NLRP14: variants seen among roughly 807,000 people sequenced by gnomAD.
The protein encoded by NLRP14 is NLR family pyrin domain containing 14.
Under a neutral mutation model 94.7 loss-of-function variants are expected in NLRP14, and 105 were observed. The observed-to-expected ratio is 1.11, with a 90% CI of 0.95 to 1.30. The LOEUF is 1.30. Among genes scored for constraint, NLRP14 ranks in the 50% most tolerant of loss-of-function variants. NLRP14 has a pLI of 0.00. For synonymous variants in NLRP14, 508 were observed against 459.9 expected, an observed-to-expected ratio of 1.10 and a Z score of -1.34; for missense variants, 1,362 against 1,254.1, an observed-to-expected ratio of 1.09 and a Z score of -1.30.
At chr11:7,073,767 G>C (rs746822439), downstream of NLRP14, among the ~76,000 whole-genome samples, 2 of 152,196 alleles carry the variant, frequency 1.3e-5, no homozygotes, top group Non-Finnish European at 2.9e-5. Flanking sequence ...GAGACACATA[G>C]GGTGAGGTTC....
chr11:7,046,866 T>C (rs1852360724), intron 5 of NLRP14, 34 bp downstream of exon 5: 2 of 1,528,806 alleles, frequency 1.3e-6, no homozygotes, highest in Non-Finnish European at 1.8e-6. Context: ...AATGGAGTTA[T>C]TCTAATTTCT....
At chr11:7,034,584 C>T (rs1452545439) in intron 1 of NLRP14, among the ~76,000 whole-genome samples, 1 of 152,198 alleles carries the variant, frequency 6.6e-6, no homozygotes. Flanking sequence ...TCCCTGTAAA[C>T]ATTTTTCTGT....
At chr11:7,036,473 A>T (rs936655872) in intron 1 of NLRP14, among the ~76,000 whole-genome samples, 1 of 152,186 alleles carries the variant, frequency 6.6e-6, no homozygotes, top group Non-Finnish European at 1.5e-5. Context: ...AAAATGAAAA[A>T]AGTGTGGGAT....
intron 1 of NLRP14, among the ~76,000 whole-genome samples, chr11:7,024,155 C>G (rs1160025105): frequency 6.6e-6 from 1 of 152,080 alleles, no homozygotes; most frequent in African/African-American, 2.4e-5. Context: ...ATGAAAAATA[C>G]TAATCCACAG....
At chr11:7,040,242 C>T (rs1014190530) in intron 3 of NLRP14, among the ~76,000 whole-genome samples, 9 of 152,126 alleles carry the variant, frequency 5.9e-5, no homozygotes, top group Admixed American at 1.3e-4. Flanking sequence ...GCCACAGACC[C>T]CTACTGGTCG....
chr11:7,050,662 T>G (rs529381164), intron 6 of NLRP14, among the ~76,000 whole-genome samples: 1 of 152,168 alleles, frequency 6.6e-6, no homozygotes, highest in East Asian at 1.9e-4. Flanking sequence ...GTAGGAAAAA[T>G]AAATGAAGTC....
intron 3 of NLRP14, 31 bp from the exon 4 acceptor site, chr11:7,042,357 T>C (rs759660010): frequency 6.3e-6 from 10 of 1,596,870 alleles, no homozygotes; most frequent in South Asian, 2.2e-5. Flanking sequence ...GTCTTTGTTT[T>C]TGTTTTTTTA....
intron 1 of NLRP14, among the ~76,000 whole-genome samples, chr11:7,033,921 C>G (rs1047168016): frequency 6.6e-6 from 1 of 152,184 alleles, no homozygotes; most frequent in African/African-American, 2.4e-5. Context: ...TGGCAACATG[C>G]CATTCACAGT....
downstream of NLRP14, among the ~76,000 whole-genome samples, chr11:7,075,286 T>C (rs1169554367): frequency 6.6e-6 from 1 of 152,194 alleles, no homozygotes; most frequent in East Asian, 1.9e-4. Context: ...CTTATGACTA[T>C]GCAAAGACCT....
the NLRP14 span, chr11:7,090,059 C>A: frequency 1.2e-6 from 2 of 1,612,804 alleles, no homozygotes; most frequent in Admixed American, 1.7e-5. Flanking sequence ...AGTACCGGGG[C>A]TACTCACCCG....
intron 2 of NLRP14, 122 bp downstream of exon 2, chr11:7,038,997 G>A: frequency 2.3e-6 from 2 of 885,616 alleles, no homozygotes; most frequent in Non-Finnish European, 3.2e-6. Flanking sequence ...TAAGCTCCAT[G>A]GTGGTCTTGT....
downstream of NLRP14, among the ~76,000 whole-genome samples, chr11:7,075,910 T>G (rs928750671): frequency 6.6e-6 from 1 of 152,186 alleles, no homozygotes; most frequent in African/African-American, 2.4e-5. Context: ...CCCACAGTTA[T>G]GTTCGAAGGC....
At chr11:7,055,117 T>A (rs956947780) in intron 6 of NLRP14, among the ~76,000 whole-genome samples, 1 of 152,152 alleles carries the variant, frequency 6.6e-6, no homozygotes, top group Non-Finnish European at 1.5e-5. Context: ...CCACTGTAGA[T>A]GTGTAGGTTT....
At chr11:7,071,112 GA>G in intron 11 of NLRP14, 60 bp from the exon 12 acceptor site, 1 of 1,589,472 alleles carries the variant, frequency 6.3e-7, no homozygotes, top group South Asian at 1.1e-5. Context: ...CCTTTACAGA[GA>G]AAGTGGAGGG....
intron 5 of NLRP14, among the ~76,000 whole-genome samples, chr11:7,049,451 A>G (rs1275974152): frequency 1.3e-5 from 2 of 152,170 alleles, no homozygotes; most frequent in Non-Finnish European, 2.9e-5. Context: ...TCTGCTTTTC[A>G]TGATGTTATC....
At chr11:7,084,749 T>C in the NLRP14 span, among the ~76,000 whole-genome samples, 1 of 152,212 alleles carries the variant, frequency 6.6e-6, no homozygotes, top group African/African-American at 2.4e-5. Context: ...TTTCCAGATT[T>C]CTGTGAGATA....
In NLRP14 at chr11:7,043,036, A is replaced by C; in HGVS notation, c.1010A>C (p.Glu337Ala). 6.2e-7 allele frequency: 1 copy of C among 1,614,108 alleles called. No individual in the cohort carries two copies. The highest frequency in any genetic ancestry group is 8.5e-7 in the Non-Finnish European group (1 of 1,179,996). The change falls in exon 4 of 12, where the codon GAG becomes GCG. Residue 337 changes from glutamate (E) to alanine (A), a missense_variant. Glu to Ala is a moderately radical substitution (Grantham distance 107). Coordinates refer to ENST00000299481, the MANE Select transcript of NLRP14 (RefSeq NM_176822.4). Reference sequence around the variant, plus strand: ...GGAATGTCTGAGGATGCAAGAGAGGAGTATATTTACCAGTTTTTTGAAGAT... The same window carrying C: ...GGAATGTCTGAGGATGCAAGAGAGGCGTATATTTACCAGTTTTTTGAAGAT... ...LLGMSEDARE[E>A]YIYQFFEDKR...
downstream of NLRP14, among the ~76,000 whole-genome samples, chr11:7,074,601 C>T (rs889906034): frequency 6.6e-6 from 1 of 152,146 alleles, no homozygotes; most frequent in Non-Finnish European, 1.5e-5. Flanking sequence ...CATTTCAGAG[C>T]ATTATAGAGG....
downstream of NLRP14, among the ~76,000 whole-genome samples, chr11:7,076,295 T>C (rs1852873085): frequency 6.6e-6 from 1 of 152,236 alleles, no homozygotes; most frequent in South Asian, 2.1e-4. Context: ...TAGAGTCAAG[T>C]CAGATTGTCA....
Sources: gnomAD v4.1 joint callset for allele counts (sites outside exome capture counted in the v4.1 genomes callset) on GRCh38, gnomAD v4.1.1 for gene constraint, MANE v1.5 for transcripts, NCBI Gene and HGNC (gene_info 2026-07-23, HGNC 2026-07-21) for gene names.